Variants in TENM3 observed in about 807,000 individuals in gnomAD.
TENM3 encodes teneurin transmembrane protein 3.
Under a neutral mutation model 255.1 loss-of-function variants are expected in TENM3, and 63 were observed. The observed-to-expected ratio is 0.25, with a 90% CI of 0.20 to 0.30. The LOEUF (loss-of-function observed/expected upper bound fraction) is 0.30. TENM3 is among the 10% of genes least tolerant of loss of function. TENM3 has a pLI of 1.00. For missense variants in TENM3, 2,929 were observed against 3,461.1 expected (o/e 0.85, Z 3.86); for synonymous variants, 1,306 against 1,322.3 (o/e 0.99, Z 0.27).
chr4:182,319,128 C>T (rs1038170142), intron 1 of TENM3, among the ~76,000 whole-genome samples: 9 of 152,132 alleles, frequency 5.9e-5, no homozygotes, highest in Admixed American at 5.9e-4. Flanking sequence ...TTTCTAATGG[C>T]TTTCCTTATT....
chr4:181,967,923 C>T, the TENM3 span, among the ~76,000 whole-genome samples: 1 of 152,160 alleles, frequency 6.6e-6, no homozygotes, highest in African/African-American at 2.4e-5. Flanking sequence ...GATCACAGGG[C>T]TTTTCCTTTG....
At chr4:182,261,883 G>A (rs1244013817) in intron 1 of TENM3, among the ~76,000 whole-genome samples, 1 of 152,214 alleles carries the variant, frequency 6.6e-6, no homozygotes, top group African/African-American at 2.4e-5. Context: ...ACTGTGGATC[G>A]TGTAGGCAGC....
the TENM3 span, among the ~76,000 whole-genome samples, chr4:181,887,041 TG>T: frequency 6.6e-6 from 1 of 152,216 alleles, no homozygotes; most frequent in Non-Finnish European, 1.5e-5. Context: ...AATACTTTCC[TG>T]TTTTATTTCA....
At chr4:182,694,224 G>A (rs111678980) in intron 12 of TENM3, among the ~76,000 whole-genome samples, 5 of 151,674 alleles carry the variant, frequency 3.3e-5, no homozygotes, top group African/African-American at 9.7e-5. Flanking sequence ...ATCCTCCCAC[G>A]TCAGCCTCCC....
intron 12 of TENM3, among the ~76,000 whole-genome samples, chr4:182,706,554 CT>C (rs1215649021): frequency 1.3e-5 from 2 of 152,126 alleles, no homozygotes; most frequent in Admixed American, 6.5e-5. Flanking sequence ...CTCTGTATTA[CT>C]TATAGAATTT....
the TENM3 span, among the ~76,000 whole-genome samples, chr4:182,017,661 A>G: frequency 6.6e-6 from 1 of 152,236 alleles, no homozygotes; most frequent in Non-Finnish European, 1.5e-5. Flanking sequence ...TAAAATAATG[A>G]TACAGGCTTT....
the TENM3 span, among the ~76,000 whole-genome samples, chr4:181,739,203 T>C: frequency 2.6e-5 from 4 of 152,178 alleles, no homozygotes; most frequent in Admixed American, 6.5e-5. Context: ...TCTGCATCAA[T>C]AATTAGACAG....
chr4:181,639,478 G>T, the TENM3 span, among the ~76,000 whole-genome samples: 1 of 152,102 alleles, frequency 6.6e-6, no homozygotes, highest in Admixed American at 6.5e-5. Flanking sequence ...GGTGGCTCAC[G>T]CCTGTAATCC....
chr4:181,861,504 C>T, the TENM3 span, among the ~76,000 whole-genome samples: 1 of 152,100 alleles, frequency 6.6e-6, no homozygotes, highest in African/African-American at 2.4e-5. Context: ...TCAAGCAGGG[C>T]TAGAACTTGC....
chr4:182,452,275 GTAAA>G (rs1773525103), intron 3 of TENM3, among the ~76,000 whole-genome samples: 1 of 135,778 alleles, frequency 7.4e-6, no homozygotes, highest in Non-Finnish European at 1.5e-5. Context: ...GGTGAAGAAA[GTAAA>G]TAAATAAATT....
the TENM3 span, among the ~76,000 whole-genome samples, chr4:182,006,869 C>G: frequency 6.6e-6 from 1 of 152,144 alleles, no homozygotes; most frequent in Non-Finnish European, 1.5e-5. Flanking sequence ...GCATTTAGTA[C>G]TATAAGTTTC....
chr4:182,216,212 A>G (rs1475898510), intron 1 of TENM3, among the ~76,000 whole-genome samples: 1 of 152,238 alleles, frequency 6.6e-6, no homozygotes, highest in African/African-American at 2.4e-5. Flanking sequence ...AGGTCAAACT[A>G]TATCCACAAA....
intron 1 of TENM3, among the ~76,000 whole-genome samples, chr4:182,197,794 C>T (rs1753921315): frequency 6.6e-6 from 1 of 152,172 alleles, no homozygotes; most frequent in Non-Finnish European, 1.5e-5. Context: ...CCCTGTTCTC[C>T]CACTCAGCAA....
In TENM3 at chr4:182,600,920, T is replaced by TTTTTTA; in HGVS notation, c.512-4_512-3insTTTTTA. On this transcript the variant is annotated splice_region_variant and splice_polypyrimidine_tract_variant and intron_variant, in intron 3 of 27. Transcript: ENST00000511685. ...TTCTTTTTTTTTTTTTTTTTTTTTT[T>TTTTTTA]CAGAGCAACCTGCAAGCAATCAAGG... 1 of 1,030,986 alleles carries TTTTTTA rather than the reference T, an allele frequency of 9.7e-7. No homozygotes were observed. Among genetic ancestry groups the TTTTTTA allele is most frequent in the East Asian group, 3.2e-5 (1 of 31,402 alleles). 63.9% of individuals were successfully genotyped at this position (1,030,986 alleles called of 1,614,324 possible).
chr4:182,193,692 G>T (rs1753673183), intron 1 of TENM3, among the ~76,000 whole-genome samples: 1 of 152,144 alleles, frequency 6.6e-6, no homozygotes, highest in Non-Finnish European at 1.5e-5. Flanking sequence ...TGACCTATTT[G>T]GGTAGATGTG....
chr4:182,570,372 AG>A (rs1371243130), intron 3 of TENM3, among the ~76,000 whole-genome samples: 1 of 152,198 alleles, frequency 6.6e-6, no homozygotes, highest in Admixed American at 6.5e-5. Context: ...GGGAATAGGA[AG>A]AAAGAATACC....
chr4:182,266,223 T>C lies in TENM3; in HGVS notation c.-76+22747T>C, dbSNP rs932167868. Among the ~76,000 whole-genome samples, 3 of 152,228 alleles carry C rather than the reference T, an allele frequency of 2.0e-5. No individual in the cohort carries two copies. In the South Asian group the frequency reaches 6.2e-4, roughly 31 times the overall value. On this transcript the variant is annotated intron_variant, in intron 1 of 27. Coordinates refer to ENST00000511685, the MANE Select transcript of TENM3 (RefSeq NM_001080477.4). ...TAAGAGTTAACATTATAACATGTAATTAAAACTGTTAAAGTAACAATTTTA... is the reference window on the plus strand; with the variant it reads ...TAAGAGTTAACATTATAACATGTAACTAAAACTGTTAAAGTAACAATTTTA...
intron 1 of TENM3, among the ~76,000 whole-genome samples, chr4:182,169,039 G>A (rs182115865): frequency 2.2e-4 from 32 of 148,440 alleles, no homozygotes; most frequent in Non-Finnish European, 3.9e-4. Context: ...GAGGGAAAAC[G>A]TATATGGACA....
chr4:182,515,232 G>A (rs549173077), intron 3 of TENM3, among the ~76,000 whole-genome samples: 8 of 152,272 alleles, frequency 5.3e-5, no homozygotes, highest in Admixed American at 3.3e-4. Context: ...GGCCTTAAAG[G>A]GAAAATATAT....
Sources: gnomAD v4.1 joint callset for allele counts (sites outside exome capture counted in the v4.1 genomes callset) on GRCh38, gnomAD v4.1.1 for gene constraint, MANE v1.5 for transcripts, NCBI Gene and HGNC (gene_info 2026-07-23, HGNC 2026-07-21) for gene names.